AP4S1: variants seen among roughly 807,000 people sequenced by gnomAD.
The protein encoded by AP4S1 is adaptor related protein complex 4 subunit sigma 1, also known as AP-4 complex subunit sigma-1.
AP4S1 carries 23 observed loss-of-function variants against 19.8 expected under a neutral mutation model. That is an observed-to-expected ratio of 1.16 (90% CI 0.84 to 1.65). The LOEUF (loss-of-function observed/expected upper bound fraction) is 1.65. Ranked by LOEUF, AP4S1 falls within the 40% of genes most tolerant of loss-of-function variation. The probability of loss-of-function intolerance (pLI) is 0.00; values close to 1 mark genes in which losing one functional copy is unlikely to be tolerated. For synonymous variants in AP4S1, 46 were observed against 54.1 expected, an observed-to-expected ratio of 0.85 and a Z score of 0.66; for missense variants, 166 against 172.8, an observed-to-expected ratio of 0.96 and a Z score of 0.22.
intron 1 of AP4S1, among the ~76,000 whole-genome samples, chr14:31,040,049 AAC>A (rs1349388174): frequency 3.3e-5 from 5 of 152,218 alleles, no homozygotes; most frequent in Admixed American, 2.0e-4. Flanking sequence ...GTTTTACAGA[AAC>A]AGTCTCCATA....
At chr14:31,070,557 G>C (rs1886945572) in intron 3 of AP4S1, among the ~76,000 whole-genome samples, 4 of 152,126 alleles carry the variant, frequency 2.6e-5, no homozygotes, top group African/African-American at 9.7e-5. Flanking sequence ...TAGGATCTTG[G>C]TTTCTAGCAA....
chr14:31,052,655 GA>G (rs1885862352), intron 1 of AP4S1, among the ~76,000 whole-genome samples: 1 of 148,642 alleles, frequency 6.7e-6, no homozygotes, highest in African/African-American at 2.5e-5. Flanking sequence ...TTGAACCTGG[GA>G]AATGGAGGTT....
In AP4S1 at chr14:31,094,419, G is replaced by A. The variant is rs1888151285; in HGVS notation, c.*1384G>A. 1 of 152,520 alleles carries A rather than the reference G, an allele frequency of 6.6e-6. No homozygotes were observed. 9.4% of individuals were successfully genotyped at this position (152,520 alleles called of 1,614,324 possible). A position where few individuals can be genotyped will look rare whatever the true frequency, so the allele number is the denominator to read the frequency against. ...ATTCAAGACCAGCCTGGGCAACATA[G>A]ACCTCATCTCTACAAAAAATGCAAA... On this transcript the variant is annotated 3_prime_UTR_variant, in exon 6 of 6. Transcript: ENST00000542754.
chr14:31,066,289 G>A lies in AP4S1; in HGVS notation c.93G>A (p.Leu31=). The change falls in exon 2 of 6, where the codon CTG becomes CTA. Residue 31 remains leucine, a synonymous_variant. Coordinates refer to ENST00000542754, the MANE Select transcript of AP4S1 (RefSeq NM_001128126.3). ...TGGATATTAATAAGCGTACACTTCTGGAAACAGAAGTCATAAAGAGCTGTC... is the reference window on the plus strand; with the variant it reads ...TGGATATTAATAAGCGTACACTTCTAGAAACAGAAGTCATAAAGAGCTGTC... ...EHVDINKRTL[L]ETEVIKSCLS... 1 of 1,613,974 alleles carries A rather than the reference G, an allele frequency of 6.2e-7. No individual in the cohort carries two copies. The highest frequency in any genetic ancestry group is 8.5e-7 in the Non-Finnish European group (1 of 1,179,948).
chr14:31,026,056 G>C (rs922001430), intron 1 of AP4S1: 4 of 1,523,838 alleles, frequency 2.6e-6, no homozygotes, highest in East Asian at 2.6e-5. Flanking sequence ...TCGGAGGCCG[G>C]AGGACCCCCG....
intron 1 of AP4S1, among the ~76,000 whole-genome samples, chr14:31,031,835 C>G (rs1201358210): frequency 6.6e-6 from 1 of 152,212 alleles, no homozygotes; most frequent in Non-Finnish European, 1.5e-5. Context: ...TTCATGCCTC[C>G]TCCATGCCCA....
At chr14:31,051,168 A>G (rs1885768027) in intron 1 of AP4S1, among the ~76,000 whole-genome samples, 1 of 151,512 alleles carries the variant, frequency 6.6e-6, no homozygotes, top group Admixed American at 6.6e-5. Flanking sequence ...CGACAGGAAG[A>G]TCCCTTGAGC....
chr14:31,035,460 G>C, intron 1 of AP4S1, among the ~76,000 whole-genome samples: 1 of 151,662 alleles, frequency 6.6e-6, no homozygotes. Flanking sequence ...CAAAGTGCTA[G>C]GATTACAGGT....
intron 5 of AP4S1, among the ~76,000 whole-genome samples, chr14:31,082,129 T>G (rs1887669267): frequency 6.6e-6 from 1 of 152,170 alleles, no homozygotes; most frequent in South Asian, 2.1e-4. Flanking sequence ...GACAAATTCA[T>G]TTTGTGCCCT....
intron 5 of AP4S1, among the ~76,000 whole-genome samples, chr14:31,082,569 T>C (rs71417946): frequency 0.12 from 18,586 of 152,188 alleles, 1,859 homozygotes; most frequent in African/African-American, 0.28. Context: ...ACAAGACACA[T>C]AACCCGCTCA....
chr14:31,080,402 A>G (rs1036448009), intron 4 of AP4S1, among the ~76,000 whole-genome samples, 171 bp from the exon 5 acceptor site: 4 of 152,224 alleles, frequency 2.6e-5, no homozygotes, highest in African/African-American at 7.2e-5. Flanking sequence ...AAAAAATTAT[A>G]GTCCCAAACT....
chr14:31,037,071 G>T (rs111991169), intron 1 of AP4S1, among the ~76,000 whole-genome samples: 11 of 151,574 alleles, frequency 7.3e-5, no homozygotes, highest in Non-Finnish European at 1.6e-4. Context: ...CTCGGCCTCC[G>T]AAAGTGCTGG....
chr14:31,041,925 T>G (rs1407173890), intron 1 of AP4S1, among the ~76,000 whole-genome samples: 3 of 152,184 alleles, frequency 2.0e-5, no homozygotes, highest in Non-Finnish European at 4.4e-5. Context: ...GCCTCCCAGG[T>G]TCAAGCAATT....
chr14:31,027,777 G>T (rs1251055622), intron 1 of AP4S1, among the ~76,000 whole-genome samples: 1 of 152,138 alleles, frequency 6.6e-6, no homozygotes, highest in Non-Finnish European at 1.5e-5. Flanking sequence ...ATATCCTAAT[G>T]CACTAGTGTG....
intron 5 of AP4S1, among the ~76,000 whole-genome samples, chr14:31,090,611 TCTTA>T (rs1888051590): frequency 1.3e-5 from 2 of 152,348 alleles, no homozygotes; most frequent in African/African-American, 4.8e-5. Context: ...TCTGGGCCCT[TCTTA>T]CTTCCTCCTA....
At chr14:31,031,391 C>T (rs1280777929) in intron 1 of AP4S1, among the ~76,000 whole-genome samples, 3 of 152,124 alleles carry the variant, frequency 2.0e-5, no homozygotes, top group Admixed American at 2.0e-4. Flanking sequence ...CAAAACTGTA[C>T]CCCAAGAGTC....
At chr14:31,084,720 T>C in intron 5 of AP4S1, 5 of 1,612,408 alleles carry the variant, frequency 3.1e-6, no homozygotes, top group Non-Finnish European at 4.2e-6. Context: ...CATACCTTGG[T>C]AGATTTATTT....
intron 3 of AP4S1, among the ~76,000 whole-genome samples, chr14:31,072,107 A>G (rs898182956): frequency 6.6e-6 from 1 of 151,126 alleles, no homozygotes; most frequent in South Asian, 2.1e-4. Context: ...TGCCCAGCTA[A>G]TTTTTGTATT....
intron 1 of AP4S1, among the ~76,000 whole-genome samples, chr14:31,064,328 C>T (rs1275504599): frequency 3.9e-5 from 6 of 151,958 alleles, no homozygotes; most frequent in Non-Finnish European, 8.8e-5. Flanking sequence ...AGCTCACTAT[C>T]ACCTCCACCT....
Sources: gnomAD v4.1 joint callset for allele counts (sites outside exome capture counted in the v4.1 genomes callset) on GRCh38, gnomAD v4.1.1 for gene constraint, MANE v1.5 for transcripts, NCBI Gene and HGNC (gene_info 2026-07-23, HGNC 2026-07-21) for gene names.